The following KCNQ5 variants were observed in gnomAD, a reference collection of about 807,000 sequenced individuals.
The protein encoded by KCNQ5 is potassium voltage-gated channel subfamily KQT member 5.
A neutral mutation model predicts 98.2 loss-of-function variants in KCNQ5; 30 were observed. The ratio of observed to expected loss-of-function variants is 0.31; its 90% CI spans 0.23 to 0.41. The LOEUF (loss-of-function observed/expected upper bound fraction) is 0.41, where lower values mean the gene tolerates loss of function less well. Among genes scored for constraint, KCNQ5 ranks in the 10% least tolerant of loss-of-function variants. The pLI, the probability that KCNQ5 is intolerant of heterozygous loss-of-function variation, is 1.00. For missense variants in KCNQ5, 835 were observed against 1,182.5 expected (o/e 0.71, Z 4.31); for synonymous variants, 458 against 449.4 (o/e 1.02, Z -0.24).
intron 10 of KCNQ5, among the ~76,000 whole-genome samples, chr6:73,150,264 G>A (rs1777097983): frequency 6.6e-6 from 1 of 151,816 alleles, no homozygotes; most frequent in South Asian, 2.1e-4. Context: ...TTGCTGGTGG[G>A]AAAACAGTTT....
rs1234981142 is a variant in KCNQ5 at position 72,928,542 on chromosome 6, T to A, written c.399-75366T>A. Among the ~76,000 whole-genome samples, 6 of 152,062 alleles carry A rather than the reference T, an allele frequency of 3.9e-5. No individual in the cohort carries two copies. The East Asian group carries it at 1.2e-3, about 29-fold the overall frequency. ...TAAAGAAAATTCACTTAAATTACTT[T>A]TAGTATGGGAGATTGTAAGCAGAAG... is the stretch of plus-strand genomic sequence containing the variant. On this transcript the variant is annotated intron_variant, in intron 1 of 13. Coordinates refer to ENST00000370398, the MANE Select transcript of KCNQ5 (RefSeq NM_019842.4).
chr6:72,873,635 T>C (rs1251533253), intron 1 of KCNQ5, among the ~76,000 whole-genome samples: 1 of 152,128 alleles, frequency 6.6e-6, no homozygotes, highest in Non-Finnish European at 1.5e-5. Flanking sequence ...AGCCTAACTG[T>C]ACTTTCTCCT....
chr6:72,721,480 T>C (rs770885595), intron 1 of KCNQ5, among the ~76,000 whole-genome samples: 24 of 152,006 alleles, frequency 1.6e-4, no homozygotes, highest in Non-Finnish European at 2.8e-4. Flanking sequence ...TATGAAGACA[T>C]TTACATGTCA....
intron 3 of KCNQ5, among the ~76,000 whole-genome samples, chr6:73,051,438 A>T (rs912161175): frequency 3.3e-5 from 5 of 152,098 alleles, no homozygotes; most frequent in Non-Finnish European, 7.4e-5. Flanking sequence ...CACCACCCCA[A>T]CAAAGTGGTT....
intron 11 of KCNQ5, among the ~76,000 whole-genome samples, chr6:73,178,001 C>G (rs888753573): frequency 6.6e-6 from 1 of 151,944 alleles, no homozygotes; most frequent in African/African-American, 2.4e-5. Context: ...ACTGAGTTTT[C>G]TATTATTTGC....
At position 72,622,637 on chromosome 6, in the gene KCNQ5, T is replaced by G; in HGVS notation, c.398+50T>G. 1 of 1,600,716 alleles carries G rather than the reference T, an allele frequency of 6.2e-7. No homozygotes were observed. The highest frequency in any genetic ancestry group is 8.5e-7 in the Non-Finnish European group (1 of 1,173,446). On this transcript the variant is annotated intron_variant, in intron 1 of 13. Transcript: ENST00000370398. The surrounding 1 kb of genome is among the most constrained non-coding windows in gnomAD (Gnocchi z 6.0). ...GCCCGCTGCAGGGGACCACTGTCCC[T>G]GGCCCCCTGGGGCGTGCTCCGCGCT...
intron 1 of KCNQ5, among the ~76,000 whole-genome samples, chr6:72,895,318 AG>A (rs1396057675): frequency 6.6e-6 from 1 of 150,766 alleles, no homozygotes; most frequent in Non-Finnish European, 1.5e-5. Flanking sequence ...AAAACTCCAT[AG>A]GTGATTCGTG....
At chr6:72,779,522 G>A (rs1316772263) in intron 1 of KCNQ5, among the ~76,000 whole-genome samples, 3 of 152,084 alleles carry the variant, frequency 2.0e-5, no homozygotes, top group African/African-American at 7.2e-5. Flanking sequence ...AATCTGCTGA[G>A]AATAAGGTTA....
intron 1 of KCNQ5, among the ~76,000 whole-genome samples, chr6:72,624,134 T>C (rs1439260362): frequency 6.6e-6 from 1 of 152,224 alleles, no homozygotes; most frequent in Non-Finnish European, 1.5e-5. Flanking sequence ...TCAAAAAGTA[T>C]AACTTTTATG....
intron 2 of KCNQ5, among the ~76,000 whole-genome samples, chr6:73,016,225 C>T (rs551854336): frequency 3.7e-4 from 56 of 152,034 alleles, no homozygotes; most frequent in African/African-American, 1.3e-3. Flanking sequence ...TGGAATGAGG[C>T]GATGAGGCAT....
chr6:73,044,276 G>A (rs552161036), intron 3 of KCNQ5, among the ~76,000 whole-genome samples: 4 of 152,234 alleles, frequency 2.6e-5, no homozygotes, highest in South Asian at 4.1e-4. Context: ...GTAAGACCCT[G>A]TCTCAAAAAA....
chr6:73,198,495 C>T lies in KCNQ5; in HGVS notation c.*3081C>T, dbSNP rs1765872934. 6.6e-6 allele frequency: 1 copy of T among 152,174 alleles called. No homozygotes were observed. Among genetic ancestry groups the T allele is most frequent in the Non-Finnish European group, 1.5e-5 (1 of 68,030 alleles). The allele number at this position is 152,174 out of a possible 1,614,324, so 9.4% of individuals were successfully genotyped here. A position where few individuals can be genotyped will look rare whatever the true frequency, so the allele number is the denominator to read the frequency against. On this transcript the variant is annotated 3_prime_UTR_variant, in exon 14 of 14. Coordinates refer to ENST00000370398, the MANE Select transcript of KCNQ5 (RefSeq NM_019842.4). ...GGCACAAATTGACCAATTCTCATGC[C>T]ATTTGCAAAGCAAAACTGTAAGGAT... is the stretch of plus-strand genomic sequence containing the variant.
At chr6:73,010,734 A>G (rs996087398) in intron 2 of KCNQ5, among the ~76,000 whole-genome samples, 11 of 151,958 alleles carry the variant, frequency 7.2e-5, no homozygotes, top group African/African-American at 2.2e-4. Flanking sequence ...CATTTTACCA[A>G]CAATGAAGAA....
chr6:73,101,023 A>G (rs1018911639), intron 5 of KCNQ5, among the ~76,000 whole-genome samples: 2 of 152,182 alleles, frequency 1.3e-5, no homozygotes, highest in African/African-American at 4.8e-5. Flanking sequence ...AAAACCTGAA[A>G]CCTGATGGCT....
chr6:72,622,085 G>C lies in KCNQ5; in HGVS notation c.-105G>C, dbSNP rs2098915407. 3 of 1,003,498 alleles carry C rather than the reference G, an allele frequency of 3.0e-6. No individual in the cohort carries two copies. The highest frequency in any genetic ancestry group is 3.8e-6 in the Non-Finnish European group (3 of 787,556). 62.2% of individuals were successfully genotyped at this position (1,003,498 alleles called of 1,614,324 possible). On this transcript the variant is annotated 5_prime_UTR_variant, in exon 1 of 14. Transcript: ENST00000370398. This position sits in a 1 kb window ranked among gnomAD's most constrained non-coding sequence, Gnocchi z 6.0. ...GCTCAGAGGTCTCTGGCTGGCGGGC[G>C]CCCCGTCGGCCGCCGGCTTCCTCCT...
intron 1 of KCNQ5, among the ~76,000 whole-genome samples, chr6:72,679,811 G>A (rs1192726016): frequency 6.6e-6 from 1 of 152,208 alleles, no homozygotes; most frequent in African/African-American, 2.4e-5. Flanking sequence ...GCTGAGGTGG[G>A]CAGATCGCCC....
At chr6:73,076,138 C>T (rs1310210454) in intron 3 of KCNQ5, among the ~76,000 whole-genome samples, 2 of 152,204 alleles carry the variant, frequency 1.3e-5, no homozygotes, top group African/African-American at 4.8e-5. Context: ...CAAAAAGGGG[C>T]ACCAGCAGAG....
intron 10 of KCNQ5, among the ~76,000 whole-genome samples, chr6:73,157,035 G>C (rs1188776229): frequency 1.3e-5 from 2 of 152,250 alleles, no homozygotes; most frequent in African/African-American, 4.8e-5. Context: ...GGCGAGCAGA[G>C]AGAGGCCAGG....
chr6:72,738,531 A>G (rs777379932), intron 1 of KCNQ5, among the ~76,000 whole-genome samples: 2 of 152,276 alleles, frequency 1.3e-5, no homozygotes, highest in East Asian at 1.9e-4. Context: ...TCGTTATAAT[A>G]TCTTATGTTT....
Sources: gnomAD v4.1 joint callset for allele counts (sites outside exome capture counted in the v4.1 genomes callset) on GRCh38, gnomAD v4.1.1 for gene constraint, Gnocchi (gnomAD v3.1) non-coding constraint, MANE v1.5 for transcripts, NCBI Gene and HGNC (gene_info 2026-07-23, HGNC 2026-07-21) for gene names.